Variants in CD109 observed in about 807,000 individuals in gnomAD.
CD109 encodes the protein CD109 molecule, also known as CD109 antigen.
CD109 carries 149 observed loss-of-function variants against 165.8 expected under a neutral mutation model. The ratio of observed to expected loss-of-function variants is 0.90; its 90% CI spans 0.79 to 1.03. The LOEUF (loss-of-function observed/expected upper bound fraction) is 1.03, where lower values mean the gene tolerates loss of function less well. CD109 is among the 50% of genes least tolerant of loss of function. The pLI is 0.00. For synonymous variants in CD109, 585 were observed against 592.1 expected (o/e 0.99, Z 0.18); for missense variants, 1,712 against 1,677.8 (o/e 1.02, Z -0.36).
At chr6:73,764,913 A>G (rs1342570812) in intron 10 of CD109, among the ~76,000 whole-genome samples, 2 of 152,054 alleles carry the variant, frequency 1.3e-5, no homozygotes, top group South Asian at 2.1e-4. Flanking sequence ...TCTGATTTCA[A>G]TGATCTTAAT....
chr6:73,681,533 C>G, the CD109 span, among the ~76,000 whole-genome samples: 1 of 150,984 alleles, frequency 6.6e-6, no homozygotes, highest in Non-Finnish European at 1.5e-5. Flanking sequence ...CGGTGGAAGG[C>G]AAGGAGAAAC....
intron 32 of CD109, among the ~76,000 whole-genome samples, chr6:73,823,080 T>C (rs970264463): frequency 1.3e-5 from 2 of 152,252 alleles, no homozygotes; most frequent in Non-Finnish European, 2.9e-5. Context: ...GAATTTGATT[T>C]GAGTGCATAG....
intron 25 of CD109, 71 bp downstream of exon 25, chr6:73,807,143 T>C (rs1775595330): frequency 1.8e-6 from 2 of 1,107,474 alleles, no homozygotes; most frequent in Admixed American, 3.8e-5. Flanking sequence ...GGGTCAAATA[T>C]GTGTGTGGAA....
intron 5 of CD109, among the ~76,000 whole-genome samples, chr6:73,747,174 T>C (rs1309805074): frequency 6.6e-6 from 1 of 152,260 alleles, no homozygotes; most frequent in African/African-American, 2.4e-5. Context: ...TGACAGTCTC[T>C]TTCTTCTCAG....
rs369184166 is a variant in CD109 at position 73,792,663 on chromosome 6, A to G, written c.2739A>G (p.Ser913=). ...VLGPSINGLA[S]LIRMPYGCGE... ...GTCCTTCCATCAATGGCTTAGCCTC[A>G]TTGATTCGGATGCCTTATGGCTGTG... The change falls in exon 23 of 33, where the codon TCA becomes TCG. Residue 913 remains serine (S), a synonymous_variant. Coordinates refer to ENST00000287097, the MANE Select transcript of CD109 (RefSeq NM_133493.5). 14 of 1,613,262 alleles carry G rather than the reference A, an allele frequency of 8.7e-6. No individual in the cohort carries two copies. The highest frequency in any genetic ancestry group is 6.7e-5 in the Admixed American group (4 of 59,962).
intron 2 of CD109, among the ~76,000 whole-genome samples, chr6:73,710,874 C>T (rs1412187112): frequency 6.6e-6 from 1 of 152,180 alleles, no homozygotes; most frequent in East Asian, 1.9e-4. Flanking sequence ...CTTTATAGCT[C>T]GGAAGCAGCT....
intron 2 of CD109, among the ~76,000 whole-genome samples, chr6:73,709,358 A>C (rs1412299535): frequency 2.6e-5 from 4 of 152,150 alleles, no homozygotes; most frequent in South Asian, 2.1e-4. Context: ...CCATTGGTCT[A>C]TATCTCTGTT....
intron 4 of CD109, among the ~76,000 whole-genome samples, chr6:73,732,667 T>C (rs1377985066): frequency 6.6e-6 from 1 of 152,240 alleles, no homozygotes; most frequent in Admixed American, 6.5e-5. Context: ...AAATAAAAGT[T>C]AGCACTGCAT....
intron 5 of CD109, among the ~76,000 whole-genome samples, chr6:73,737,693 TG>T (rs1030870880): frequency 7.2e-5 from 11 of 152,178 alleles, no homozygotes; most frequent in African/African-American, 2.7e-4. Context: ...TCTTTATATC[TG>T]AGCTTGTAGA....
intron 25 of CD109, 109 bp from the exon 26 acceptor site, chr6:73,807,974 C>T: frequency 1.1e-6 from 1 of 895,262 alleles, no homozygotes; most frequent in Non-Finnish European, 1.7e-6. Context: ...TCAGGTACTT[C>T]ATAGACACTG....
chr6:73,816,137 G>T (rs969418558), intron 30 of CD109, among the ~76,000 whole-genome samples: 2 of 152,068 alleles, frequency 1.3e-5, no homozygotes, highest in African/African-American at 4.8e-5. Flanking sequence ...GGACCTTCTT[G>T]TTCATGATTT....
chr6:73,774,282 A>G (rs1053591346), intron 15 of CD109, among the ~76,000 whole-genome samples: 5 of 152,314 alleles, frequency 3.3e-5, no homozygotes, highest in East Asian at 1.9e-4. Flanking sequence ...GATAATATCT[A>G]TTGGTGAAGG....
chr6:73,684,510 T>G, the CD109 span, among the ~76,000 whole-genome samples: 1 of 151,908 alleles, frequency 6.6e-6, no homozygotes, highest in Non-Finnish European at 1.5e-5. Context: ...TGTGAGCCAC[T>G]GCACCTGGCC....
intron 22 of CD109, 99 bp from the exon 23 acceptor site, chr6:73,792,527 A>C (rs572089971): frequency 4.0e-6 from 4 of 996,696 alleles, no homozygotes; most frequent in Admixed American, 4.3e-5. Context: ...TATTGCTTCA[A>C]TGACAGAGGT....
intron 22 of CD109, 106 bp from the exon 23 acceptor site, chr6:73,792,520 T>C: frequency 3.2e-6 from 3 of 924,886 alleles, no homozygotes; most frequent in Admixed American, 2.2e-5. Context: ...ATAATGATAT[T>C]GCTTCAATGA....
At chr6:73,729,252 C>G (rs983570384) in intron 3 of CD109, among the ~76,000 whole-genome samples, 1 of 152,108 alleles carries the variant, frequency 6.6e-6, no homozygotes, top group African/African-American at 2.4e-5. Flanking sequence ...AAGGAAATCA[C>G]TAAGTCTGGG....
chr6:73,730,553 C>T lies in CD109; in HGVS notation c.486C>T (p.Thr162=). 6.2e-7 allele frequency: 1 copy of T among 1,611,630 alleles called. No homozygotes were observed. Among genetic ancestry groups the T allele is most frequent in the Non-Finnish European group, 8.5e-7 (1 of 1,177,902 alleles). The change falls in exon 4 of 33, where the codon ACC becomes ACT. Residue 162 remains threonine (T), a synonymous_variant. Transcript: ENST00000287097. ...TLFSDFKPYK[T]SLNILIKDPK... ...TCTCAGATTTTAAGCCTTACAAAAC[C>T]TCTTTAAACATTCTCATTAAGGTAA...
At chr6:73,684,094 C>T in the CD109 span, among the ~76,000 whole-genome samples, 16 of 152,038 alleles carry the variant, frequency 1.1e-4, no homozygotes, top group Admixed American at 2.6e-4. Flanking sequence ...ATGGATCTCT[C>T]TTTGATACTA....
chr6:73,734,353 T>G (rs1354824624), intron 4 of CD109, among the ~76,000 whole-genome samples: 1 of 152,252 alleles, frequency 6.6e-6, no homozygotes, highest in African/African-American at 2.4e-5. Context: ...GGACATTCCA[T>G]TTTCCTACAC....
Sources: allele counts gnomAD v4.1 joint callset (sites outside exome capture counted in the v4.1 genomes callset), GRCh38; gene constraint gnomAD v4.1.1; transcripts MANE v1.5; gene names NCBI Gene and HGNC (gene_info 2026-07-23, HGNC 2026-07-21).